Variants in ZSCAN5A observed in about 807,000 individuals in gnomAD.
ZSCAN5A encodes zinc finger and SCAN domain-containing protein 5A.
ZSCAN5A carries 12 observed loss-of-function variants against 23.7 expected under a neutral mutation model. The observed-to-expected ratio is 0.51, with a 90% confidence interval of 0.32 to 0.82. The LOEUF is 0.82. Among genes scored for constraint, ZSCAN5A ranks in the 40% least tolerant of loss-of-function variants. ZSCAN5A has a pLI of 0.03. For synonymous variants in ZSCAN5A, 257 were observed against 239.9 expected (o/e 1.07, Z -0.66); for missense variants, 597 against 617.9 (o/e 0.97, Z 0.36).
At chr19:56,343,138 A>G in intron 2 of ZSCAN5A, 1 of 736,082 alleles carries the variant, frequency 1.4e-6, no homozygotes, top group Non-Finnish European at 2.5e-6. Flanking sequence ...TCAAATGCCT[A>G]AAATGGTCCT....
chr19:56,311,648 G>A (rs61389610), intron 2 of ZSCAN5A, among the ~76,000 whole-genome samples: 1,558 of 152,240 alleles, frequency 0.01, 29 homozygotes, highest in African/African-American at 0.035. Flanking sequence ...CCTCATAGAG[G>A]TAAAGTTTAA....
At position 56,222,089 on chromosome 19, in the gene ZSCAN5A, C is replaced by T; in HGVS notation, c.977G>A (p.Gly326Glu). ...ATGAATTGAATTCATCCCAGCTTGT[C>T]CCGGGGATTCTCTGTTGCCCACAGG... Reference protein sequence around the residue: ...ATPVGNRESPGQAGMNSIHSP... With the variant: ...ATPVGNRESPEQAGMNSIHSP... Residue 326 changes from glycine (G) to glutamate (E), a missense_variant, in exon 6 of 6, where the codon GGA becomes GAA. Physicochemically the swap from Gly to Glu is moderately conservative, Grantham distance 98 (BLOSUM62 -2). This residue lies in a region of ZSCAN5A where 406 missense variants were observed against 353.2 expected (regional missense o/e 1.15). Coordinates refer to ENST00000683990, the MANE Select transcript of ZSCAN5A (RefSeq NM_001322064.3). 7 of 1,614,120 alleles carry T rather than the reference C, an allele frequency of 4.3e-6. No individual in the cohort carries two copies. Among genetic ancestry groups the T allele is most frequent in the Non-Finnish European group, 5.9e-6 (7 of 1,180,038 alleles).
chr19:56,285,920 C>T (rs2039082152), intron 2 of ZSCAN5A, among the ~76,000 whole-genome samples: 1 of 152,194 alleles, frequency 6.6e-6, no homozygotes, highest in Admixed American at 6.5e-5. Context: ...GGGTATCTGC[C>T]TTTTAAATCT....
chr19:56,255,977 T>A (rs1043982725), intron 2 of ZSCAN5A, among the ~76,000 whole-genome samples: 1 of 152,224 alleles, frequency 6.6e-6, no homozygotes, highest in Non-Finnish European at 1.5e-5. Flanking sequence ...ATTTGGAAAT[T>A]GTATTCCCAT....
At chr19:56,247,752 T>C (rs369829455) in intron 2 of ZSCAN5A, among the ~76,000 whole-genome samples, 3 of 152,152 alleles carry the variant, frequency 2.0e-5, no homozygotes, top group Non-Finnish European at 4.4e-5. Context: ...AGTGCAGTGG[T>C]GCGATCTCGG....
rs1436286521 is a variant in ZSCAN5A at position 56,351,129 on chromosome 19, TACA to T, written c.-358+12103_-358+12105del. On this transcript the variant is annotated intron_variant, in intron 2 of 6. Coordinates refer to the ZSCAN5A transcript ENST00000587340. This position sits in a 1 kb window ranked among gnomAD's most constrained non-coding sequence, Gnocchi z 4.8. Reference sequence around the variant, plus strand: ...AGTTATTAAGAAATCATTTTAGGCATACAGTAAGGGTAAAGGTTCTTGGTGAAA... The same window carrying T: ...AGTTATTAAGAAATCATTTTAGGCATGTAAGGGTAAAGGTTCTTGGTGAAA... Among the ~76,000 whole-genome samples the T allele has an allele frequency of 9.2e-5, 14 of 152,208 alleles. No homozygotes were observed. Among genetic ancestry groups the T allele is most frequent in the African/African-American group, 3.4e-4 (14 of 41,526 alleles).
At chr19:56,348,573 A>C (rs1331866630) in intron 2 of ZSCAN5A, among the ~76,000 whole-genome samples, 2 of 152,184 alleles carry the variant, frequency 1.3e-5, no homozygotes, top group Non-Finnish European at 2.9e-5. Flanking sequence ...TAGCTCTTAC[A>C]AGAGCACCTA....
At chr19:56,338,067 T>G (rs1197923448) in intron 2 of ZSCAN5A, among the ~76,000 whole-genome samples, 2 of 152,200 alleles carry the variant, frequency 1.3e-5, no homozygotes, top group African/African-American at 4.8e-5. Context: ...AAATTAATTG[T>G]GACAACTCAA....
At chr19:56,262,877 C>T (rs1375756550) in intron 2 of ZSCAN5A, among the ~76,000 whole-genome samples, 5 of 152,172 alleles carry the variant, frequency 3.3e-5, no homozygotes, top group African/African-American at 7.2e-5. Context: ...TTGACGGACA[C>T]TTGGATTATT....
chr19:56,324,886 A>G (rs2041418626), intron 2 of ZSCAN5A, among the ~76,000 whole-genome samples: 2 of 152,220 alleles, frequency 1.3e-5, no homozygotes, highest in Non-Finnish European at 2.9e-5. Flanking sequence ...TAGTTATTGA[A>G]AAACAATAGA....
intron 2 of ZSCAN5A, among the ~76,000 whole-genome samples, chr19:56,359,976 G>A (rs755184918): frequency 1.2e-4 from 19 of 152,114 alleles, no homozygotes; most frequent in Non-Finnish European, 2.1e-4. Flanking sequence ...CATAGTGAAT[G>A]GGCAAAAGCT....
At chr19:56,366,422 C>CA (rs34420866) in intron 1 of ZSCAN5A, among the ~76,000 whole-genome samples, 15,609 of 82,398 alleles carry the variant, frequency 0.19, 1,481 homozygotes, top group African/African-American at 0.29. Context: ...GACTCTGTCT[C>CA]AAAAAAAAAA....
intron 2 of ZSCAN5A, chr19:56,321,070 G>C (rs112877908): frequency 3.7e-5 from 26 of 703,690 alleles, no homozygotes; most frequent in Middle Eastern, 2.7e-4. Flanking sequence ...TCAGGAGATA[G>C]ACTGAGTATC....
In ZSCAN5A at chr19:56,339,244, T is replaced by C. The variant is rs146740629; in HGVS notation, c.-357-22976A>G. 1.6e-3 allele frequency among the ~76,000 whole-genome samples: 242 copies of C among 152,388 alleles called. 1 individual carries two copies. The highest frequency in any genetic ancestry group is 5.6e-3 in the African/African-American group (231 of 41,592). ...TGCAAAGGAGCAGTTGTAGCCGTAT[T>C]TAGCAATATGCAAAGGAGCAGCTGT... On this transcript the variant is annotated intron_variant, in intron 2 of 6. Transcript: ENST00000587340.
intron 2 of ZSCAN5A, among the ~76,000 whole-genome samples, chr19:56,327,277 T>G (rs2041443300): frequency 6.6e-6 from 1 of 151,268 alleles, no homozygotes; most frequent in African/African-American, 2.4e-5. Context: ...CCACCGCACC[T>G]GGCTATGTTT....
upstream of ZSCAN5A, chr19:56,316,924 C>T (rs1361318484): frequency 1.3e-5 from 2 of 152,298 alleles, no homozygotes; most frequent in South Asian, 2.1e-4. Flanking sequence ...GTAGCCTTGA[C>T]CTCCTGGGCT....
chr19:56,318,456 C>T (rs1418913341), upstream of ZSCAN5A, among the ~76,000 whole-genome samples: 3 of 152,114 alleles, frequency 2.0e-5, no homozygotes, highest in African/African-American at 4.8e-5. Context: ...AGAACAATAA[C>T]CCAACACGGT....
chr19:56,312,065 T>C (rs947841080), intron 2 of ZSCAN5A: 6 of 152,350 alleles, frequency 3.9e-5, no homozygotes, highest in East Asian at 3.9e-4. Context: ...TAATTCAATA[T>C]ATCCAAGATA....
intron 2 of ZSCAN5A, among the ~76,000 whole-genome samples, chr19:56,344,052 T>C (rs1452955633): frequency 6.6e-6 from 1 of 152,230 alleles, no homozygotes; most frequent in Non-Finnish European, 1.5e-5. Flanking sequence ...GTGATAGGCA[T>C]CATTTAAAAT....
Sources: allele counts gnomAD v4.1 joint callset (sites outside exome capture counted in the v4.1 genomes callset), GRCh38; gene constraint gnomAD v4.1.1; regional missense constraint gnomAD v4.1.1; non-coding constraint Gnocchi (gnomAD v3.1); transcripts MANE v1.5; gene names NCBI Gene and HGNC (gene_info 2026-07-23, HGNC 2026-07-21).